The following KLF12 variants were observed in gnomAD, a reference collection of about 807,000 sequenced individuals.
KLF12 encodes KLF transcription factor 12, also known as Krueppel-like factor 12.
KLF12 carries 9 observed loss-of-function variants against 37.8 expected under a neutral mutation model. The ratio of observed to expected loss-of-function variants is 0.24; its 90% CI spans 0.14 to 0.42. The LOEUF (loss-of-function observed/expected upper bound fraction) is 0.42, where lower values mean the gene tolerates loss of function less well. Among genes scored for constraint, KLF12 ranks in the 10% least tolerant of loss-of-function variants. KLF12 has a pLI of 1.00. For missense variants in KLF12, 411 were observed against 516.0 expected (o/e 0.80, Z 1.97); for synonymous variants, 208 against 202.1 (o/e 1.03, Z -0.25).
the KLF12 span, among the ~76,000 whole-genome samples, chr13:74,226,697 C>CA: frequency 2.0e-5 from 3 of 152,112 alleles, no homozygotes; most frequent in Admixed American, 2.0e-4. Context: ...CATAGTGTAT[C>CA]AAAATGAGTC....
At chr13:73,938,117 G>A (rs1433529052) in intron 3 of KLF12, among the ~76,000 whole-genome samples, 1 of 152,192 alleles carries the variant, frequency 6.6e-6, no homozygotes, top group Non-Finnish European at 1.5e-5. Context: ...TTCCACAGCA[G>A]GAGAGGGAAT....
chr13:73,689,804 A>G lies in KLF12; in HGVS notation c.*5686T>C, dbSNP rs149280921. 4.8e-4 allele frequency: 73 copies of G among 152,324 alleles called. No individual in the cohort carries two copies. Among genetic ancestry groups the G allele is most frequent in the African/African-American group, 1.7e-3 (70 of 41,582 alleles). 9.4% of individuals were successfully genotyped at this position (152,324 alleles called of 1,614,324 possible). A position where few individuals can be genotyped will look rare whatever the true frequency, so the allele number is the denominator to read the frequency against. On this transcript the variant is annotated 3_prime_UTR_variant, in exon 8 of 8. Coordinates refer to ENST00000377669, the MANE Select transcript of KLF12 (RefSeq NM_007249.5). ...ATGAGTGGATAAAATGAACAAGCAA[A>G]CAAATATCCTTCAGTCTTTTGCGCC...
chr13:74,275,448 T>G, the KLF12 span, among the ~76,000 whole-genome samples: 1 of 152,204 alleles, frequency 6.6e-6, no homozygotes, highest in Non-Finnish European at 1.5e-5. Context: ...TAATCAAATT[T>G]TTCCTAGAGA....
At chr13:74,111,264 G>A (rs1271163625) in intron 1 of KLF12, among the ~76,000 whole-genome samples, 1 of 151,952 alleles carries the variant, frequency 6.6e-6, no homozygotes, top group Non-Finnish European at 1.5e-5. Context: ...CTCAGTGAAG[G>A]AAAAACAGAA....
At chr13:73,981,139 G>C (rs1891679171) in intron 2 of KLF12, among the ~76,000 whole-genome samples, 1 of 152,114 alleles carries the variant, frequency 6.6e-6, no homozygotes, top group African/African-American at 2.4e-5. Context: ...CAGCCTGGGA[G>C]ACAAAGACCC....
intron 1 of KLF12, among the ~76,000 whole-genome samples, chr13:74,073,008 A>T (rs1203114710): frequency 6.6e-6 from 1 of 152,130 alleles, no homozygotes; most frequent in East Asian, 1.9e-4. Flanking sequence ...TGTTCTCATG[A>T]TTGTGAGTGT....
At chr13:74,013,342 G>A (rs1593829931) in intron 1 of KLF12, among the ~76,000 whole-genome samples, 3 of 152,186 alleles carry the variant, frequency 2.0e-5, no homozygotes, top group Admixed American at 1.3e-4. Flanking sequence ...GGTTGAGACC[G>A]AGGTGGCTAG....
chr13:74,033,372 C>A (rs1937807033), intron 1 of KLF12, among the ~76,000 whole-genome samples: 1 of 152,212 alleles, frequency 6.6e-6, no homozygotes, highest in Non-Finnish European at 1.5e-5. Context: ...ACACTTCCAA[C>A]TGGTGTGACC....
At chr13:73,746,412 C>T (rs1464003579) in intron 6 of KLF12, among the ~76,000 whole-genome samples, 1 of 152,214 alleles carries the variant, frequency 6.6e-6, no homozygotes, top group Non-Finnish European at 1.5e-5. Flanking sequence ...ACAGCCGCAA[C>T]ATAACTTTAC....
intron 5 of KLF12, among the ~76,000 whole-genome samples, chr13:73,785,988 T>C (rs1242504417): frequency 6.6e-6 from 1 of 152,148 alleles, no homozygotes; most frequent in Non-Finnish European, 1.5e-5. Context: ...CAGAGGCCTT[T>C]GCAACTAAGC....
At chr13:73,729,371 C>A (rs952308367) in intron 6 of KLF12, among the ~76,000 whole-genome samples, 1 of 152,184 alleles carries the variant, frequency 6.6e-6, no homozygotes, top group Non-Finnish European at 1.5e-5. Flanking sequence ...TCAGTGTATA[C>A]TGTAAAATAC....
chr13:74,022,514 C>A (rs768632212), intron 1 of KLF12, among the ~76,000 whole-genome samples: 19 of 152,204 alleles, frequency 1.2e-4, no homozygotes, highest in Non-Finnish European at 2.4e-4. Context: ...TGCCACATGG[C>A]ATTTTTCAAA....
the KLF12 span, among the ~76,000 whole-genome samples, chr13:74,287,463 A>G: frequency 6.6e-6 from 1 of 150,938 alleles, no homozygotes; most frequent in African/African-American, 2.4e-5. Flanking sequence ...GAAAACTCGG[A>G]GGTGAAAGAT....
At chr13:74,290,348 A>G in the KLF12 span, among the ~76,000 whole-genome samples, 2 of 152,170 alleles carry the variant, frequency 1.3e-5, no homozygotes, top group African/African-American at 4.8e-5. Flanking sequence ...TCCAGCAGCT[A>G]TTATCCCTGT....
At chr13:74,113,325 C>T (rs557034555) in intron 1 of KLF12, among the ~76,000 whole-genome samples, 45 of 152,316 alleles carry the variant, frequency 3.0e-4, no homozygotes, top group Admixed American at 8.5e-4. Context: ...AGCAACCTAT[C>T]GCAAGAAGAC....
intron 4 of KLF12, among the ~76,000 whole-genome samples, chr13:73,824,727 A>C (rs1303856951): frequency 6.6e-6 from 1 of 152,204 alleles, no homozygotes; most frequent in Non-Finnish European, 1.5e-5. Context: ...TGCTTTTATA[A>C]GAAAGAACAA....
At chr13:73,825,269 G>A (rs1883773926) in intron 4 of KLF12, among the ~76,000 whole-genome samples, 1 of 152,100 alleles carries the variant, frequency 6.6e-6, no homozygotes, top group African/African-American at 2.4e-5. Context: ...ATTGGAGTTT[G>A]TTTGGTCAGA....
the KLF12 span, among the ~76,000 whole-genome samples, chr13:74,167,588 A>T: frequency 6.6e-6 from 1 of 152,234 alleles, no homozygotes; most frequent in Non-Finnish European, 1.5e-5. Flanking sequence ...TCAAACATTA[A>T]GCCCGTCAAT....
rs143391636 is a variant in KLF12, at chr13:73,784,217, G to A, written c.807-19217C>T. ...TATCTTACTGTAATTCTTATGCATCGCTTTCTTTTCATTCTATCAACCATT... is the reference window on the plus strand; with the variant it reads ...TATCTTACTGTAATTCTTATGCATCACTTTCTTTTCATTCTATCAACCATT... On this transcript the variant is annotated intron_variant, in intron 5 of 7. Coordinates refer to ENST00000377669, the MANE Select transcript of KLF12 (RefSeq NM_007249.5). Among the ~76,000 whole-genome samples, 55 of 152,076 alleles carry A rather than the reference G, an allele frequency of 3.6e-4. 1 individual carries two copies. In the East Asian group the frequency reaches 0.01, roughly 28 times the overall value.
Sources: allele counts gnomAD v4.1 joint callset (sites outside exome capture counted in the v4.1 genomes callset), GRCh38; gene constraint gnomAD v4.1.1; transcripts MANE v1.5; gene names NCBI Gene and HGNC (gene_info 2026-07-23, HGNC 2026-07-21).